Variants in ARHGAP18 observed in about 807,000 individuals in gnomAD.
The protein encoded by ARHGAP18 is Rho GTPase activating protein 18, also known as rho GTPase-activating protein 18.
A neutral mutation model predicts 86.2 loss-of-function variants in ARHGAP18; 67 were observed. That is an observed-to-expected ratio of 0.78 (90% CI 0.64 to 0.95). The LOEUF is 0.95. ARHGAP18 is among the 40% of genes least tolerant of loss of function. The pLI, the probability that ARHGAP18 is intolerant of heterozygous loss-of-function variation, is 0.00. For missense variants in ARHGAP18, 691 were observed against 780.4 expected (o/e 0.89, Z 1.37); for synonymous variants, 283 against 280.4 (o/e 1.01, Z -0.09).
At chr6:129,693,941 C>T (rs1024489054) in intron 1 of ARHGAP18, among the ~76,000 whole-genome samples, 3 of 152,094 alleles carry the variant, frequency 2.0e-5, no homozygotes, top group South Asian at 2.1e-4. Flanking sequence ...GACGTCAAGG[C>T]GGCACAAAAT....
Position 129,687,789 on chromosome 6 carries a change from A to ATT in ARHGAP18, c.113+22233_113+22234dup, listed in dbSNP as rs5879961. On this transcript the variant is annotated intron_variant, in intron 1 of 14. Transcript: ENST00000368149. ...ATAAGAAGTTCAATAGTAACCAAAC[A>ATT]TTTTTTTTTAAGTTATTTCCAGTGG... is the stretch of plus-strand genomic sequence containing the variant. Among the ~76,000 whole-genome samples the ATT allele has an allele frequency of 3.2e-3, 492 of 151,650 alleles. 1 individual carries two copies. Among genetic ancestry groups the ATT allele is most frequent in the African/African-American group, 5.1e-3 (211 of 41,334 alleles).
intron 13 of ARHGAP18, 66 bp from the exon 14 acceptor site, chr6:129,580,197 G>A (rs900475372): frequency 5.1e-6 from 7 of 1,377,054 alleles, no homozygotes; most frequent in East Asian, 4.6e-5. Context: ...TCACTTTAAC[G>A]TGCTTGGGGA....
intron 1 of ARHGAP18, among the ~76,000 whole-genome samples, chr6:129,659,905 T>C (rs1417747646): frequency 1.3e-5 from 2 of 151,162 alleles, no homozygotes; most frequent in Non-Finnish European, 2.9e-5. Context: ...TGAGTAGGAG[T>C]CTACCAGGTA....
rs146748058 is a variant in ARHGAP18 at position 129,590,916 on chromosome 6, A to G, written c.1714-6804T>C. On this transcript the variant is annotated intron_variant, in intron 12 of 14. Coordinates refer to ENST00000368149, the MANE Select transcript of ARHGAP18 (RefSeq NM_033515.3). Reference sequence around the variant, plus strand: ...AATACAGAGATTGAGAGTTTGACTCAATATGGATATACAATGCTCTTTATC... The same window carrying G: ...AATACAGAGATTGAGAGTTTGACTCGATATGGATATACAATGCTCTTTATC... Among the ~76,000 whole-genome samples the G allele has an allele frequency of 3.9e-4, 59 of 152,346 alleles. 1 individual carries two copies. The East Asian group carries it at 0.011, about 29-fold the overall frequency.
At chr6:129,593,669 G>GAT (rs1788561228) in intron 12 of ARHGAP18, among the ~76,000 whole-genome samples, 1 of 152,164 alleles carries the variant, frequency 6.6e-6, no homozygotes, top group Non-Finnish European at 1.5e-5. Flanking sequence ...TGTGGGTGTA[G>GAT]ATGTGTGTGT....
intron 12 of ARHGAP18, among the ~76,000 whole-genome samples, chr6:129,586,421 A>G (rs1042398335): frequency 6.6e-6 from 1 of 152,176 alleles, no homozygotes; most frequent in Admixed American, 6.6e-5. Flanking sequence ...TAGTAAATAA[A>G]TATTATTTAC....
chr6:129,619,773 T>C (rs1015873038), intron 5 of ARHGAP18, among the ~76,000 whole-genome samples: 3 of 151,678 alleles, frequency 2.0e-5, no homozygotes, highest in Admixed American at 1.3e-4. Context: ...TATCTTTTAA[T>C]TGTCACAAAA....
At chr6:129,634,006 GAA>G (rs113829468) in intron 4 of ARHGAP18, 34 bp downstream of exon 4, 149 of 1,395,284 alleles carry the variant, frequency 1.1e-4, no homozygotes, top group Admixed American at 3.5e-4. Context: ...TTAAAGGGCG[GAA>G]AAAAAAAAAA....
Position 129,605,973 on chromosome 6 carries a change from A to C in ARHGAP18, c.1283-14T>G, listed in dbSNP as rs771783590. The C allele has an allele frequency of 1.2e-6, 2 of 1,610,536 alleles. No homozygotes were observed. Among genetic ancestry groups the C allele is most frequent in the South Asian group, 2.2e-5 (2 of 91,006 alleles). On this transcript the variant is annotated splice_polypyrimidine_tract_variant and intron_variant, in intron 9 of 14. Transcript: ENST00000368149. ...TGGTTGGAAGATCTGCAGACAAATT[A>C]AATAAATCTGAACTCTTTTCTTCAG... is the stretch of plus-strand genomic sequence containing the variant.
chr6:129,658,991 A>T (rs1436460099), intron 1 of ARHGAP18, among the ~76,000 whole-genome samples: 5 of 152,262 alleles, frequency 3.3e-5, no homozygotes, highest in Admixed American at 1.3e-4. Context: ...TAGTAACTAC[A>T]TTTACAAAAG....
In ARHGAP18 at chr6:129,576,682, G is replaced by T. The variant is rs1170273008; in HGVS notation, c.*1831C>A. ...TAGCAAACGTTGCGAAATTTAGTTG[G>T]CATATGCTTCAGACAACCTTTTACT... On this transcript the variant is annotated 3_prime_UTR_variant, in exon 15 of 15. Coordinates refer to ENST00000368149, the MANE Select transcript of ARHGAP18 (RefSeq NM_033515.3). 1 of 151,920 alleles carries T rather than the reference G, an allele frequency of 6.6e-6. No homozygotes were observed. The highest frequency in any genetic ancestry group is 1.5e-5 in the Non-Finnish European group (1 of 67,978). 9.4% of individuals were successfully genotyped at this position (151,920 alleles called of 1,614,324 possible).
intron 1 of ARHGAP18, among the ~76,000 whole-genome samples, chr6:129,685,450 T>C (rs1384659515): frequency 6.6e-6 from 1 of 151,638 alleles, no homozygotes; most frequent in African/African-American, 2.4e-5. Flanking sequence ...GGGGTTGCAG[T>C]GAGCTGAGAT....
At chr6:129,622,336 CT>C (rs1020644133) in intron 5 of ARHGAP18, among the ~76,000 whole-genome samples, 10 of 151,862 alleles carry the variant, frequency 6.6e-5, no homozygotes, top group African/African-American at 9.7e-5. Flanking sequence ...CCATATTTAC[CT>C]TTTTTTTAAG....
At chr6:129,659,012 A>G (rs1373600374) in intron 1 of ARHGAP18, among the ~76,000 whole-genome samples, 3 of 152,258 alleles carry the variant, frequency 2.0e-5, no homozygotes, top group African/African-American at 7.2e-5. Flanking sequence ...TGAAAAGCAG[A>G]TCAAATTAAT....
intron 5 of ARHGAP18, among the ~76,000 whole-genome samples, chr6:129,628,498 G>A (rs576614672): frequency 1.3e-5 from 2 of 152,260 alleles, no homozygotes; most frequent in African/African-American, 4.8e-5. Flanking sequence ...ATTGCACATA[G>A]GAAAGGTATC....
chr6:129,602,486 G>T (rs1281061391), intron 10 of ARHGAP18, among the ~76,000 whole-genome samples: 4 of 145,172 alleles, frequency 2.8e-5, no homozygotes, highest in African/African-American at 1.0e-4. Context: ...ATCTTCCAAA[G>T]AATTTCTGGA....
chr6:129,691,335 G>C (rs566259387), intron 1 of ARHGAP18, among the ~76,000 whole-genome samples: 1 of 151,802 alleles, frequency 6.6e-6, no homozygotes, highest in Non-Finnish European at 1.5e-5. Flanking sequence ...ACTAGTACTC[G>C]GGGGTGGGAA....
intron 1 of ARHGAP18, among the ~76,000 whole-genome samples, chr6:129,686,967 CTTTTTTTTTTCTTTTTTTT>C (rs980668066): frequency 1.4e-5 from 1 of 72,488 alleles, no homozygotes; most frequent in African/African-American, 4.9e-5. Context: ...ATTTTTTTTT[CTTTTTTTTTTCTTTTTTTT>C]TTTTTTTTTT....
chr6:129,604,195 A>G (rs1008652560), intron 10 of ARHGAP18, among the ~76,000 whole-genome samples: 6 of 134,000 alleles, frequency 4.5e-5, no homozygotes, highest in Admixed American at 2.3e-4. Flanking sequence ...TTTACCAAAA[A>G]TAGTACTCCC....
Sources: gnomAD v4.1 joint callset for allele counts (sites outside exome capture counted in the v4.1 genomes callset) on GRCh38, gnomAD v4.1.1 for gene constraint, MANE v1.5 for transcripts, NCBI Gene and HGNC (gene_info 2026-07-23, HGNC 2026-07-21) for gene names.